HCN1: variants seen among roughly 807,000 people sequenced by gnomAD.
HCN1 encodes potassium/sodium hyperpolarization-activated cyclic nucleotide-gated channel 1.
HCN1 carries 13 observed loss-of-function variants against 78.9 expected under a neutral mutation model. That is an observed-to-expected ratio of 0.16 (90% confidence interval 0.11 to 0.26). The LOEUF is 0.26. HCN1 is among the 10% of genes least tolerant of loss of function. The pLI is 1.00. For missense variants in HCN1, 810 were observed against 1,154.3 expected (o/e 0.70, Z 4.32); for synonymous variants, 552 against 455.5 (o/e 1.21, Z -2.70).
intron 2 of HCN1, among the ~76,000 whole-genome samples, chr5:45,482,119 C>T (rs1008980966): frequency 2.0e-5 from 3 of 152,158 alleles, no homozygotes; most frequent in Non-Finnish European, 4.4e-5. Flanking sequence ...TAAACTCTGA[C>T]TCCACTATTA....
At chr5:45,395,925 AT>A (rs1313184202) in intron 4 of HCN1, among the ~76,000 whole-genome samples, 1 of 152,160 alleles carries the variant, frequency 6.6e-6, no homozygotes, top group Non-Finnish European at 1.5e-5. Flanking sequence ...TAGAGCAGCA[AT>A]CATTTTAATT....
At chr5:45,366,988 G>A (rs185460990) in intron 4 of HCN1, among the ~76,000 whole-genome samples, 1 of 151,844 alleles carries the variant, frequency 6.6e-6, no homozygotes. Context: ...TCCAAGTATT[G>A]ATTGGTTATC....
chr5:45,492,915 A>G (rs2111704977), intron 2 of HCN1, among the ~76,000 whole-genome samples: 1 of 152,288 alleles, frequency 6.6e-6, no homozygotes, highest in Non-Finnish European at 1.5e-5. Context: ...AAAGCTTAGA[A>G]AAGTCTGTGG....
At chr5:45,312,989 G>T (rs1745889162) in intron 5 of HCN1, among the ~76,000 whole-genome samples, 1 of 152,126 alleles carries the variant, frequency 6.6e-6, no homozygotes, top group South Asian at 2.1e-4. Flanking sequence ...AGACTTAAAT[G>T]TCCCTGTCTG....
chr5:45,549,146 C>T (rs2111849664), intron 2 of HCN1, among the ~76,000 whole-genome samples: 1 of 152,204 alleles, frequency 6.6e-6, no homozygotes, highest in East Asian at 1.9e-4. Context: ...GAAAAATCTA[C>T]TTTAAAGTTC....
Position 45,315,839 on chromosome 5 carries a change from A to G in HCN1, c.1378-12000T>C, listed in dbSNP as rs1009744767. 7.0e-4 allele frequency among the ~76,000 whole-genome samples: 106 copies of G among 152,204 alleles called. 1 individual carries two copies. The highest frequency in any genetic ancestry group is 2.4e-3 in the African/African-American group (101 of 41,456). On this transcript the variant is annotated intron_variant, in intron 5 of 7. Transcript: ENST00000303230. Reference sequence around the variant, plus strand: ...AAGAAATGGATAAATTCCTGGACACATACACCCTCCCAAGAATAAACCAGG... The same window carrying G: ...AAGAAATGGATAAATTCCTGGACACGTACACCCTCCCAAGAATAAACCAGG...
At chr5:45,695,598 A>G in intron 1 of HCN1, 71 bp downstream of exon 1, 1 of 1,447,518 alleles carries the variant, frequency 6.9e-7, no homozygotes, top group South Asian at 1.2e-5. Context: ...GACGCCCCCC[A>G]CCCAAGGGCG....
intron 1 of HCN1, among the ~76,000 whole-genome samples, chr5:45,686,607 T>C (rs938265326): frequency 1.3e-5 from 2 of 151,912 alleles, no homozygotes; most frequent in East Asian, 1.9e-4. Context: ...TTCTTTTCCC[T>C]TTTTTAGACA....
At chr5:45,545,934 T>C (rs1211075636) in intron 2 of HCN1, among the ~76,000 whole-genome samples, 2 of 152,032 alleles carry the variant, frequency 1.3e-5, no homozygotes, top group Non-Finnish European at 2.9e-5. Flanking sequence ...TAAATATGTA[T>C]ATACTTTAAT....
At position 45,303,579 on chromosome 5, in the gene HCN1, G is replaced by A. The variant is rs373879063; in HGVS notation, c.1618+20C>T. 7 of 1,612,166 alleles carry A rather than the reference G, an allele frequency of 4.3e-6. No homozygotes were observed. The highest frequency in any genetic ancestry group is 5.9e-6 in the Non-Finnish European group (7 of 1,179,016). ...CTCAAGCAGTTTAGATTTCATCTTA[G>A]TTGCATCTTTTTTACTAACCTCCAA... On this transcript the variant is annotated intron_variant, in intron 6 of 7. Coordinates refer to ENST00000303230, the MANE Select transcript of HCN1 (RefSeq NM_021072.4).
At chr5:45,551,338 G>A (rs887284974) in intron 2 of HCN1, among the ~76,000 whole-genome samples, 1 of 150,024 alleles carries the variant, frequency 6.7e-6, no homozygotes, top group Non-Finnish European at 1.5e-5. Context: ...TCAAGCACAT[G>A]AACAAATGAA....
intron 2 of HCN1, among the ~76,000 whole-genome samples, chr5:45,607,598 T>TATATAG (rs1554035500): frequency 9.5e-5 from 14 of 146,706 alleles, no homozygotes; most frequent in South Asian, 6.4e-4. Flanking sequence ...TATATATATC[T>TATATAG]ATAGATAGAT....
chr5:45,490,448 G>A (rs1471110816), intron 2 of HCN1, among the ~76,000 whole-genome samples: 1 of 151,962 alleles, frequency 6.6e-6, no homozygotes, highest in East Asian at 1.9e-4. Context: ...TCAAACATTT[G>A]TGTTATCTTC....
chr5:45,687,280 G>C (rs982573044), intron 1 of HCN1, among the ~76,000 whole-genome samples: 4 of 152,064 alleles, frequency 2.6e-5, no homozygotes, highest in Non-Finnish European at 4.4e-5. Context: ...AAGTTCCTCA[G>C]AACAGACATT....
chr5:45,624,963 G>T (rs139169433), intron 2 of HCN1, among the ~76,000 whole-genome samples: 446 of 152,186 alleles, frequency 2.9e-3, no homozygotes, highest in African/African-American at 0.01. Context: ...CTGTCCTCAG[G>T]CTCCTGTTCA....
chr5:45,331,319 A>G (rs1285907654), intron 5 of HCN1, among the ~76,000 whole-genome samples: 1 of 151,248 alleles, frequency 6.6e-6, no homozygotes. Flanking sequence ...AATTTAATAC[A>G]CCAACACAGC....
chr5:45,624,664 C>T (rs941567433), intron 2 of HCN1, among the ~76,000 whole-genome samples: 1 of 151,908 alleles, frequency 6.6e-6, no homozygotes, highest in Non-Finnish European at 1.5e-5. Context: ...TCAAAACCCA[C>T]AGGACCTAGT....
chr5:45,488,015 G>A (rs536489759), intron 2 of HCN1, among the ~76,000 whole-genome samples: 90 of 152,164 alleles, frequency 5.9e-4, no homozygotes, highest in African/African-American at 1.9e-3. Flanking sequence ...AGTATACAAC[G>A]TGTATTAAAT....
At position 45,695,987 on chromosome 5, in the gene HCN1, TCGGCCG is replaced by T; in HGVS notation, c.101_106del (p.Ala34_Ala35del). The T allele has an allele frequency of 7.7e-7, 1 of 1,300,772 alleles. No individual in the cohort carries two copies. The highest frequency in any genetic ancestry group is 1.6e-5 in the African/African-American group (1 of 63,704). 80.6% of individuals were successfully genotyped at this position (1,300,772 alleles called of 1,614,324 possible). Reference sequence around the variant, plus strand: ...CCCCGGCGGGGTGCCCAGGCGCTTCTCGGCCGCGGCCGGCCCCGCGCCCGTCGCGGA... The same window carrying T: ...CCCCGGCGGGGTGCCCAGGCGCTTCTCGGCCGGCCCCGCGCCCGTCGCGGA... On this transcript the variant is annotated inframe_deletion, in exon 1 of 8. Coordinates refer to ENST00000303230, the MANE Select transcript of HCN1 (RefSeq NM_021072.4).
Sources: allele counts gnomAD v4.1 joint callset (sites outside exome capture counted in the v4.1 genomes callset), GRCh38; gene constraint gnomAD v4.1.1; transcripts MANE v1.5; gene names NCBI Gene and HGNC (gene_info 2026-07-23, HGNC 2026-07-21).